MICAL3: variants seen among roughly 807,000 people sequenced by gnomAD.
The protein encoded by MICAL3 is microtubule associated monooxygenase, calponin and LIM domain containing 3, also known as [F-actin]-monooxygenase MICAL3.
In MICAL3, 62 loss-of-function variants were observed where a neutral mutation model predicts 207.4. That is an observed-to-expected ratio of 0.30 (90% confidence interval 0.24 to 0.37). MICAL3 has a LOEUF of 0.37. MICAL3 is among the 10% of genes least tolerant of loss of function. MICAL3 has a pLI of 1.00. For missense variants in MICAL3, 2,368 were observed against 2,635.6 expected, an observed-to-expected ratio of 0.90 and a Z score of 2.22; for synonymous variants, 1,077 against 1,069.3, an observed-to-expected ratio of 1.01 and a Z score of -0.14.
rs1279345066 is a variant in MICAL3, at chr22:17,796,515, G to C, written c.5651-5214C>G. On this transcript the variant is annotated intron_variant, in intron 29 of 31. Transcript: ENST00000441493. This position sits in a 1 kb window ranked among gnomAD's most constrained non-coding sequence, Gnocchi z 4.4. ...GGGTTCTGAGGCTCAACGGAGTTAA[G>C]TGTGGCAGAGCCTGGAAAAGAAGCC... is the stretch of plus-strand genomic sequence containing the variant. Among the ~76,000 whole-genome samples, 1 of 152,242 alleles carries C rather than the reference G, an allele frequency of 6.6e-6. No individual in the cohort carries two copies.
rs1932495308 is a variant in MICAL3 at position 17,916,090 on chromosome 22, CAA to C, written c.-74-9206_-74-9205del. Among the ~76,000 whole-genome samples the C allele has an allele frequency of 7.6e-5, 9 of 118,046 alleles. No homozygotes were observed. In the East Asian group the frequency reaches 1.4e-3, roughly 18 times the overall value. 77.4% of individuals were successfully genotyped at this position (118,046 alleles called of 152,430 possible). ...AAAAAAAAAAAAAAAACCCAAAAAG[CAA>C]CAAAAAACAAAAACCAAAAAACGAA... On this transcript the variant is annotated intron_variant, in intron 1 of 31. Transcript: ENST00000441493.
Position 17,809,595 on chromosome 22 carries a change from G to A in MICAL3, c.5557-658C>T, listed in dbSNP as rs756972027. Among the ~76,000 whole-genome samples, 13 of 152,228 alleles carry A rather than the reference G, an allele frequency of 8.5e-5. No homozygotes were observed. The South Asian group carries it at 1.7e-3, about 19-fold the overall frequency. ...GTTGCAGTGAGCTCAGCGCCACTGC[G>A]CGTCCAGCCTGGCCACGGAGTGAGA... On this transcript the variant is annotated intron_variant, in intron 28 of 31. Coordinates refer to ENST00000441493, the MANE Select transcript of MICAL3 (RefSeq NM_015241.3).
At chr22:17,964,871 G>T (rs894863029) in intron 1 of MICAL3, among the ~76,000 whole-genome samples, 2 of 152,242 alleles carry the variant, frequency 1.3e-5, no homozygotes, top group Non-Finnish European at 2.9e-5. Context: ...AGGGCTGGGG[G>T]TTTTCAGAAG....
chr22:17,919,098 G>A (rs1332324788), intron 1 of MICAL3, among the ~76,000 whole-genome samples: 3 of 122,164 alleles, frequency 2.5e-5, no homozygotes, highest in Non-Finnish European at 3.1e-5. Flanking sequence ...TTTGAGACAG[G>A]CTCACTCTGT....
In MICAL3 at chr22:17,809,851, G is replaced by A. The variant is rs561184996; in HGVS notation, c.5556+852C>T. On this transcript the variant is annotated intron_variant, in intron 28 of 31. Transcript: ENST00000441493. ...CTTACAATGATTATTCTACAACAAGGGATTCGGGAAACTCAATGCAGGGTT... is the reference window on the plus strand; with the variant it reads ...CTTACAATGATTATTCTACAACAAGAGATTCGGGAAACTCAATGCAGGGTT... 2.0e-3 allele frequency among the ~76,000 whole-genome samples: 311 copies of A among 151,980 alleles called. 3 individuals are homozygous for A. The highest frequency in any genetic ancestry group is 7.3e-3 in the African/African-American group (301 of 41,468).
intron 11 of MICAL3, among the ~76,000 whole-genome samples, chr22:17,893,559 C>T (rs997727867): frequency 2.0e-5 from 3 of 152,172 alleles, no homozygotes; most frequent in African/African-American, 4.8e-5. Flanking sequence ...GTGGTGGAGG[C>T]CTGTCTCGTG....
intron 26 of MICAL3, among the ~76,000 whole-genome samples, 152 bp downstream of exon 26, chr22:17,817,159 A>G (rs563260742): frequency 6.6e-6 from 1 of 152,312 alleles, no homozygotes; most frequent in Admixed American, 6.5e-5. Context: ...ATGCCCTGTG[A>G]ACCCATGGTT....
intron 16 of MICAL3, among the ~76,000 whole-genome samples, chr22:17,878,089 G>A (rs1345278202): frequency 2.6e-5 from 4 of 151,774 alleles, no homozygotes; most frequent in Non-Finnish European, 4.4e-5. Flanking sequence ...TCCTGACCTC[G>A]TGATCTGCCT....
chr22:17,875,475 GC>G, intron 16 of MICAL3: 1 of 1,554,954 alleles, frequency 6.4e-7, no homozygotes, highest in Non-Finnish European at 8.7e-7. Context: ...GGAGGGAGAG[GC>G]GGGGCGGGCA....
At position 17,986,991 on chromosome 22, in the gene MICAL3, C is replaced by T. The variant is rs568813365; in HGVS notation, c.-75+37290G>A. On this transcript the variant is annotated intron_variant, in intron 1 of 31. Coordinates refer to ENST00000441493, the MANE Select transcript of MICAL3 (RefSeq NM_015241.3). The stretch of plus-strand genomic sequence containing the variant: ...TGGTGGCTCACATCTGTAATTCCAA[C>T]GCTTTGGGAGGCTGAGGCAGGAGAA... Among the ~76,000 whole-genome samples, 58 of 152,090 alleles carry T rather than the reference C, an allele frequency of 3.8e-4. No individual in the cohort carries two copies. The South Asian group carries it at 4.2e-3, about 11-fold the overall frequency.
At chr22:17,929,236 C>T (rs1933101489) in intron 1 of MICAL3, among the ~76,000 whole-genome samples, 1 of 150,012 alleles carries the variant, frequency 6.7e-6, no homozygotes, top group Non-Finnish European at 1.5e-5. Flanking sequence ...GTAGATGGAA[C>T]TACAGATGTG....
At chr22:17,958,528 C>T (rs771967422) in intron 1 of MICAL3, among the ~76,000 whole-genome samples, 7 of 152,124 alleles carry the variant, frequency 4.6e-5, no homozygotes, top group Non-Finnish European at 7.3e-5. Context: ...AAACTGGCTC[C>T]CCTACCCCAA....
At chr22:17,882,680 C>G (rs147448224) in intron 16 of MICAL3, among the ~76,000 whole-genome samples, 185 of 152,326 alleles carry the variant, frequency 1.2e-3, no homozygotes, top group African/African-American at 3.8e-3. Flanking sequence ...CTGGTAAATT[C>G]GCAAATCCCT....
At chr22:17,988,967 A>G (rs1268139450) in intron 1 of MICAL3, among the ~76,000 whole-genome samples, 1 of 152,144 alleles carries the variant, frequency 6.6e-6, no homozygotes, top group African/African-American at 2.4e-5. Context: ...CATGGAACCT[A>G]AAACATTTAC....
At chr22:17,943,712 G>A (rs1484625452) in intron 1 of MICAL3, among the ~76,000 whole-genome samples, 1 of 152,198 alleles carries the variant, frequency 6.6e-6, no homozygotes, top group African/African-American at 2.4e-5. Context: ...TAATAGCTTT[G>A]CTGTCTGCTG....
intron 16 of MICAL3, among the ~76,000 whole-genome samples, chr22:17,875,783 C>G (rs367850847): frequency 6.6e-6 from 1 of 151,996 alleles, no homozygotes; most frequent in Non-Finnish European, 1.5e-5. Flanking sequence ...TGCAGCAGAG[C>G]ACACCCTGGA....
chr22:17,792,879 T>G (rs985896258), intron 29 of MICAL3, among the ~76,000 whole-genome samples: 2 of 152,236 alleles, frequency 1.3e-5, no homozygotes, highest in African/African-American at 4.8e-5. Flanking sequence ...TTTTGGCCTT[T>G]AAGCCAGCCC....
chr22:17,803,276 C>T (rs567820794), intron 29 of MICAL3, among the ~76,000 whole-genome samples: 2 of 152,148 alleles, frequency 1.3e-5, no homozygotes, highest in East Asian at 1.9e-4. Flanking sequence ...TATGGGCACC[C>T]GTCAACCTGG....
chr22:17,899,499 G>A lies in MICAL3; in HGVS notation c.897C>T (p.Phe299=), dbSNP rs751823263. 10 of 1,609,934 alleles carry A rather than the reference G, an allele frequency of 6.2e-6. No homozygotes were observed. The highest frequency in any genetic ancestry group is 2.7e-5 in the African/African-American group (2 of 74,908). The part of the protein sequence containing the change: ...IVYYKDDTHY[F]VMTAKKQSLL... ...AACTCTGCTTTTTGGCTGTCATAAC[G>A]AAATAGTGTGTGTCATCTTTGTAGT... The change falls in exon 7 of 32, where the codon TTC becomes TTT. Residue 299 remains phenylalanine (F), a synonymous_variant. Transcript: ENST00000441493.
Sources: gnomAD v4.1 joint callset for allele counts (sites outside exome capture counted in the v4.1 genomes callset) on GRCh38, gnomAD v4.1.1 for gene constraint, Gnocchi (gnomAD v3.1) non-coding constraint, MANE v1.5 for transcripts, NCBI Gene and HGNC (gene_info 2026-07-23, HGNC 2026-07-21) for gene names.